The following CCDC88A variants were observed in gnomAD, a reference collection of about 807,000 sequenced individuals.
CCDC88A encodes the protein coiled-coil and HOOK domain protein 88A, also known as girdin.
A neutral mutation model predicts 234.3 loss-of-function variants in CCDC88A; 54 were observed. The observed-to-expected ratio is 0.23, with a 90% CI of 0.19 to 0.29. The LOEUF (loss-of-function observed/expected upper bound fraction) is 0.29, where lower values mean the gene tolerates loss of function less well. Ranked by LOEUF, CCDC88A falls within the 10% of genes least tolerant of loss-of-function variation. The pLI, the probability that CCDC88A is intolerant of heterozygous loss-of-function variation, is 1.00. For synonymous variants in CCDC88A, 753 were observed against 737.8 expected, an observed-to-expected ratio of 1.02 and a Z score of -0.33; for missense variants, 1,832 against 2,123.4, an observed-to-expected ratio of 0.86 and a Z score of 2.70.
chr2:55,418,938 C>CCACGACATG, intron 1 of CCDC88A, 22 bp from the exon 2 acceptor site: 2 of 1,607,870 alleles, frequency 1.2e-6, no homozygotes, highest in Non-Finnish European at 1.7e-6. Flanking sequence ...AGAAGGATCA[C>CCACGACATG]CACGACATGA....
At chr2:55,404,495 G>A (rs1679227117) in intron 2 of CCDC88A, 1 of 151,948 alleles carries the variant, frequency 6.6e-6, no homozygotes, top group South Asian at 2.1e-4. Context: ...CAAAATAATA[G>A]ATACCTATTA....
At position 55,301,948 on chromosome 2, in the gene CCDC88A, G is replaced by A; in HGVS notation, c.4596C>T (p.Phe1532=). 6.2e-7 allele frequency: 1 copy of A among 1,614,144 alleles called. No homozygotes were observed. The highest frequency in any genetic ancestry group is 8.5e-7 in the Non-Finnish European group (1 of 1,180,004). The change falls in exon 27 of 33, where the codon TTC becomes TTT. Residue 1532 remains phenylalanine (F), a synonymous_variant. Coordinates refer to ENST00000436346, the MANE Select transcript of CCDC88A (RefSeq NM_001365480.1). ...TTGAAAAGTTGATGGCTGTAGTAGA[G>A]AAGGCCATAGCTCCCAATTCTTTTC... The part of the protein sequence containing the change: ...KRRKELGAMA[F]STTAINFSTV...
chr2:55,337,850 T>C (rs1667991682), intron 13 of CCDC88A, among the ~76,000 whole-genome samples: 3 of 151,852 alleles, frequency 2.0e-5, no homozygotes, highest in Non-Finnish European at 4.4e-5. Flanking sequence ...GAAATACTAC[T>C]ACCAATAATA....
At chr2:55,336,894 C>A (rs1348054314) in intron 13 of CCDC88A, 76 bp from the exon 14 acceptor site, 11 of 869,568 alleles carry the variant, frequency 1.3e-5, no homozygotes, top group East Asian at 3.0e-5. Context: ...AAAACATAAT[C>A]GCTGAATAAA....
At position 55,291,722 on chromosome 2, in the gene CCDC88A, G is replaced by C. The variant is rs200404307; in HGVS notation, c.5605C>G (p.Gln1869Glu). ...RNSKSRSREQ[Q>E]SS ...AGTGGGTAATAGAATTAGGAGCTTTGTTGCTCCCTAGACCTGCTTTTTGAA... is the reference window on the plus strand; with the variant it reads ...AGTGGGTAATAGAATTAGGAGCTTTCTTGCTCCCTAGACCTGCTTTTTGAA... The change falls in exon 32 of 33, where the codon CAA (glutamine) becomes GAA (glutamate). Residue 1869 changes from glutamine to glutamate, a missense_variant. By Grantham distance (29) the Gln-to-Glu change is conservative. Coordinates refer to ENST00000436346, the MANE Select transcript of CCDC88A (RefSeq NM_001365480.1). The C allele has an allele frequency of 2.2e-4, 352 of 1,608,520 alleles. 1 individual carries two copies. The highest frequency in any genetic ancestry group is 2.4e-4 in the Non-Finnish European group (286 of 1,175,732).
chr2:55,303,060 A>T lies in CCDC88A; in HGVS notation c.4471+9T>A. 1 of 1,527,584 alleles carries T rather than the reference A, an allele frequency of 6.5e-7. No individual in the cohort carries two copies. 94.6% of individuals were successfully genotyped at this position (1,527,584 alleles called of 1,614,324 possible). On this transcript the variant is annotated intron_variant, in intron 26 of 32. Transcript: ENST00000436346. The stretch of plus-strand genomic sequence containing the variant: ...AGTTGAAAGAAGCTGAACTGTCATA[A>T]AGTCTTACACATGGAACGACGGTAG...
chr2:55,390,053 A>AAAAAAAAAAAAAAAAAAAAAACAAAAAAG (rs377022377), intron 2 of CCDC88A, among the ~76,000 whole-genome samples: 1 of 79,770 alleles, frequency 1.3e-5, no homozygotes, highest in Non-Finnish European at 2.3e-5. Flanking sequence ...AAAAAAATAA[A>AAAAAAAAAAAAAAAAAAAAAACAAAAAAG]AAATAAAGAT....
chr2:55,373,832 G>A (rs940741677), intron 4 of CCDC88A, among the ~76,000 whole-genome samples: 1 of 151,986 alleles, frequency 6.6e-6, no homozygotes, highest in Non-Finnish European at 1.5e-5. Context: ...TTTTGGTTTT[G>A]TTTGTTTTGA....
chr2:55,408,685 G>A (rs1283664827), intron 2 of CCDC88A, among the ~76,000 whole-genome samples: 1 of 152,156 alleles, frequency 6.6e-6, no homozygotes, highest in Non-Finnish European at 1.5e-5. Flanking sequence ...CCACAAAAAT[G>A]GGCAATCAGC....
In CCDC88A at chr2:55,355,708, AGAAAATG is replaced by A; in HGVS notation, c.664_670del (p.His222TyrfsTer17). On this transcript the variant is annotated frameshift_variant, in exon 8 of 33. Coordinates refer to ENST00000436346, the MANE Select transcript of CCDC88A (RefSeq NM_001365480.1). LOFTEE classifies it high-confidence loss of function. Reference sequence around the variant, plus strand: ...CTGTGCAGATGAAGAGGCATGGGGTAGAAAATGGAGACCATCCCGCTCTTCAGAGAGT... The same window carrying A: ...CTGTGCAGATGAAGAGGCATGGGGTAGAGACCATCCCGCTCTTCAGAGAGT... The A allele has an allele frequency of 6.2e-7, 1 of 1,613,976 alleles. No individual in the cohort carries two copies. Among genetic ancestry groups the A allele is most frequent in the Non-Finnish European group, 8.5e-7 (1 of 1,179,828 alleles).
intron 4 of CCDC88A, among the ~76,000 whole-genome samples, chr2:55,373,307 A>C (rs1422848451): frequency 2.0e-5 from 3 of 152,036 alleles, no homozygotes; most frequent in Admixed American, 1.3e-4. Context: ...GCATATATAC[A>C]ACTCCTCTGC....
At position 55,291,019 on chromosome 2, in the gene CCDC88A, G is replaced by C. The variant is rs529227696; in HGVS notation, c.*181C>G. 1.3e-4 allele frequency: 20 copies of C among 152,558 alleles called. No individual in the cohort carries two copies. Among genetic ancestry groups the C allele is most frequent in the Non-Finnish European group, 2.6e-4 (18 of 67,952 alleles). 9.5% of individuals were successfully genotyped at this position (152,558 alleles called of 1,614,324 possible). A position where few individuals can be genotyped will look rare whatever the true frequency, so the allele number is the denominator to read the frequency against. On this transcript the variant is annotated 3_prime_UTR_variant, in exon 33 of 33. Coordinates refer to ENST00000436346, the MANE Select transcript of CCDC88A (RefSeq NM_001365480.1). Reference sequence around the variant, plus strand: ...AGTGCTCCTTGATTCAAGGAATGAAGGTTTGTATTTCTTGCCTGCTCTATT... The same window carrying C: ...AGTGCTCCTTGATTCAAGGAATGAACGTTTGTATTTCTTGCCTGCTCTATT...
intron 8 of CCDC88A, among the ~76,000 whole-genome samples, chr2:55,353,788 C>T (rs541031243): frequency 2.0e-5 from 3 of 152,162 alleles, no homozygotes; most frequent in African/African-American, 7.2e-5. Flanking sequence ...AACATTTACA[C>T]TTACTTTTCT....
intron 22 of CCDC88A, chr2:55,315,195 G>A (rs1374862838): frequency 6.6e-6 from 1 of 152,206 alleles, no homozygotes; most frequent in Non-Finnish European, 1.5e-5. Context: ...CCCACGCATG[G>A]GGCTTTTCTA....
chr2:55,326,340 C>A (rs1174681329), intron 17 of CCDC88A, among the ~76,000 whole-genome samples: 2 of 151,702 alleles, frequency 1.3e-5, no homozygotes, highest in Non-Finnish European at 2.9e-5. Flanking sequence ...TTTATGAGTC[C>A]ATTTTATCTC....
At position 55,332,888 on chromosome 2, in the gene CCDC88A, G is replaced by C. The variant is rs1053098263; in HGVS notation, c.2728-195C>G. On this transcript the variant is annotated intron_variant, in intron 15 of 32. Coordinates refer to ENST00000436346, the MANE Select transcript of CCDC88A (RefSeq NM_001365480.1). The surrounding 1 kb of genome is among the most constrained non-coding windows in gnomAD (Gnocchi z 4.5). ...TGAAATAACTTTTTTCCTTTTTTTT[G>C]CTAATACTTTAAACAAAACCTTAAA... Among the ~76,000 whole-genome samples the C allele has an allele frequency of 4.0e-5, 6 of 150,974 alleles. No homozygotes were observed. Among genetic ancestry groups the C allele is most frequent in the African/African-American group, 1.5e-4 (6 of 41,136 alleles).
chr2:55,297,362 T>TAAA (rs1680266645), intron 29 of CCDC88A, among the ~76,000 whole-genome samples: 1 of 100,544 alleles, frequency 9.9e-6, no homozygotes, highest in Non-Finnish European at 1.7e-5. Flanking sequence ...TATAAATATA[T>TAAA]ATAATATATA....
At chr2:55,302,262 A>C (rs1680985863) in intron 26 of CCDC88A, among the ~76,000 whole-genome samples, 190 bp from the exon 27 acceptor site, 1 of 152,206 alleles carries the variant, frequency 6.6e-6, no homozygotes, top group Non-Finnish European at 1.5e-5. Context: ...AAGGCTGATA[A>C]ATTTCAATAA....
At position 55,302,018 on chromosome 2, in the gene CCDC88A, G is replaced by A. The variant is rs1473118010; in HGVS notation, c.4526C>T (p.Thr1509Ile). ...ATCATCAGGAACCTCCAAATTCTCA[G>A]TACTACCTGTCCACTGTCCTGCTAG... ...MVLAGQWTGSTENLEVPDDIS... is the reference protein window; with the variant it reads ...MVLAGQWTGSIENLEVPDDIS... Residue 1509 changes from threonine to isoleucine, a missense_variant, in exon 27 of 33, where the codon ACT becomes ATT. Around this residue, in one of 6 missense-constraint regions of CCDC88A, gnomAD observed 1,282 missense variants for 1,543.6 expected, o/e 0.83. Coordinates refer to ENST00000436346, the MANE Select transcript of CCDC88A (RefSeq NM_001365480.1). 32 of 1,614,006 alleles carry A rather than the reference G, an allele frequency of 2.0e-5. No individual in the cohort carries two copies. The highest frequency in any genetic ancestry group is 2.7e-5 in the Non-Finnish European group (32 of 1,179,992).
Sources: gnomAD v4.1 joint callset for allele counts (sites outside exome capture counted in the v4.1 genomes callset) on GRCh38, gnomAD v4.1.1 for gene constraint, gnomAD v4.1.1 regional missense constraint, Gnocchi (gnomAD v3.1) non-coding constraint, MANE v1.5 for transcripts, NCBI Gene and HGNC (gene_info 2026-07-23, HGNC 2026-07-21) for gene names.